The following ADCY9 variants were observed in gnomAD, a reference collection of about 807,000 sequenced individuals.
The protein encoded by ADCY9 is adenylate cyclase 9, also known as adenylate cyclase type 9.
Under a neutral mutation model 101.5 loss-of-function variants are expected in ADCY9, and 50 were observed. The ratio of observed to expected loss-of-function variants is 0.49; its 90% CI spans 0.39 to 0.62. The LOEUF is 0.62. Among genes scored for constraint, ADCY9 ranks in the 20% least tolerant of loss-of-function variants. The probability of loss-of-function intolerance (pLI) is 0.00; values close to 1 mark genes in which losing one functional copy is unlikely to be tolerated. For missense variants in ADCY9, 1,662 were observed against 1,800.4 expected, an observed-to-expected ratio of 0.92 and a Z score of 1.39; for synonymous variants, 905 against 769.3, an observed-to-expected ratio of 1.18 and a Z score of -2.92.
chr16:3,985,864 G>C (rs929033477), intron 6 of ADCY9, among the ~76,000 whole-genome samples: 1 of 152,106 alleles, frequency 6.6e-6, no homozygotes, highest in African/African-American at 2.4e-5. Context: ...CCTGATGCCA[G>C]AGGCTCCCAG....
At chr16:3,988,578 G>C (rs1286278171) in intron 6 of ADCY9, among the ~76,000 whole-genome samples, 3 of 142,146 alleles carry the variant, frequency 2.1e-5, no homozygotes, top group African/African-American at 8.1e-5. Context: ...GGGCAGGTGG[G>C]GGACCCCTTC....
chr16:3,997,699 G>A (rs12920521), intron 3 of ADCY9, among the ~76,000 whole-genome samples: 10 of 152,166 alleles, frequency 6.6e-5, no homozygotes, highest in Admixed American at 3.9e-4. Context: ...TATGGGAGGT[G>A]GGGGGAGAGC....
At chr16:3,958,693 A>ATTTTTTTTTTT (rs2055921600), downstream of ADCY9, among the ~76,000 whole-genome samples, 1 of 7,520 alleles carries the variant, frequency 1.3e-4, no homozygotes, top group African/African-American at 5.6e-4. Context: ...TTTTTTTTTG[A>ATTTTTTTTTTT]GAGAATCTTG....
intron 5 of ADCY9, among the ~76,000 whole-genome samples, chr16:3,956,621 G>A (rs572255145): frequency 8.5e-4 from 128 of 150,364 alleles, no homozygotes; most frequent in Non-Finnish European, 6.6e-4. Flanking sequence ...CTCCCAAGTA[G>A]CTGGGATTAC....
At chr16:4,042,122 AC>A (rs2141139710) in intron 2 of ADCY9, among the ~76,000 whole-genome samples, 1 of 151,840 alleles carries the variant, frequency 6.6e-6, no homozygotes, top group South Asian at 2.1e-4. Context: ...CGGGGGTTTC[AC>A]CATGTTGGCC....
chr16:4,078,001 A>G (rs541525725), intron 2 of ADCY9, among the ~76,000 whole-genome samples: 139 of 43,166 alleles, frequency 3.2e-3, no homozygotes, highest in African/African-American at 6.9e-3. Context: ...TCTGCTTCAG[A>G]AAAAAAAAAA....
In ADCY9 at chr16:3,965,808, T is replaced by C. The variant is rs1163539372; in HGVS notation, c.4029A>G (p.Glu1343=). Residue 1343 remains glutamate, a synonymous_variant, in exon 11 of 11, where the codon GAA becomes GAG. Transcript: ENST00000294016. ...CDETGIEEAN[E]LTKLNVSKSV is the part of the protein sequence containing the mutation. ...TCTTTGAAACGTTGAGCTTGGTGAG[T>C]TCGTTGGCTTCTTCTATTCCTGTTT... The C allele has an allele frequency of 6.2e-7, 1 of 1,613,608 alleles. No homozygotes were observed. The highest frequency in any genetic ancestry group is 1.3e-5 in the African/African-American group (1 of 74,800).
intron 2 of ADCY9, among the ~76,000 whole-genome samples, chr16:4,067,839 G>A (rs1273218798): frequency 6.6e-6 from 1 of 152,186 alleles, no homozygotes; most frequent in Non-Finnish European, 1.5e-5. Flanking sequence ...TATCTTAGTA[G>A]CTTCACTAAG....
intron 2 of ADCY9, among the ~76,000 whole-genome samples, chr16:4,106,406 C>T (rs991195343): frequency 6.6e-6 from 1 of 152,164 alleles, no homozygotes; most frequent in East Asian, 1.9e-4. Context: ...TTCTGTTCCG[C>T]GGCAGCACCG....
In ADCY9 at chr16:4,115,979, G is replaced by GC. The variant is rs1343500377; in HGVS notation, c.-334_-333insG. On this transcript the variant is annotated 5_prime_UTR_variant, in exon 1 of 11. Transcript: ENST00000294016. The surrounding 1 kb of genome is among the most constrained non-coding windows in gnomAD (Gnocchi z 6.2). ...GCGGCGCGCGGCCGGCCCCGGGCCC[G>GC]GACCCCGACCCGGAGCAGCGAGCTT... 3.4e-6 allele frequency: 1 copy of GC among 296,950 alleles called. No homozygotes were observed. The highest frequency in any genetic ancestry group is 6.2e-6 in the Non-Finnish European group (1 of 161,804). The allele number at this position is 296,950 out of a possible 1,614,324, so 18.4% of individuals were successfully genotyped here.
At chr16:4,089,173 C>CA (rs1194661551) in intron 2 of ADCY9, among the ~76,000 whole-genome samples, 1 of 152,060 alleles carries the variant, frequency 6.6e-6, no homozygotes, top group Non-Finnish European at 1.5e-5. Context: ...CTCCTGGGCT[C>CA]AGGTGATCCT....
chr16:4,114,574 C>G lies in ADCY9; in HGVS notation c.869G>C (p.Cys290Ser). ...ELLSRGLLHGCIHAIGVHLFV... is the reference protein window; with the variant it reads ...ELLSRGLLHGSIHAIGVHLFV... ...CAGGTGGACCCCGATGGCGTGGATG[C>G]AGCCGTGGAGCAGCCCCCTGCTCAG... The change falls in exon 2 of 11, where the codon TGC becomes TCC. Residue 290 changes from cysteine to serine, a missense_variant. This residue lies in a region of ADCY9 where 422 missense variants were observed against 392.0 expected (regional missense o/e 1.08). Transcript: ENST00000294016. This position sits in a 1 kb window ranked among gnomAD's most constrained non-coding sequence, Gnocchi z 4.3. 6.2e-7 allele frequency: 1 copy of G among 1,614,030 alleles called. No individual in the cohort carries two copies. Among genetic ancestry groups the G allele is most frequent in the Non-Finnish European group, 8.5e-7 (1 of 1,180,050 alleles).
At chr16:3,980,369 A>AC (rs1022632376) in intron 7 of ADCY9, among the ~76,000 whole-genome samples, 8 of 151,964 alleles carry the variant, frequency 5.3e-5, no homozygotes, top group African/African-American at 1.9e-4. Context: ...GAGTCCAAGG[A>AC]CCCCTGGGCC....
In ADCY9 at chr16:3,990,028, C is replaced by G. The variant is rs376599771; in HGVS notation, c.2208-932G>C. 1.6e-4 allele frequency among the ~76,000 whole-genome samples: 25 copies of G among 152,322 alleles called. No homozygotes were observed. The South Asian group carries it at 4.8e-3, about 29-fold the overall frequency. On this transcript the variant is annotated intron_variant, in intron 5 of 10. Coordinates refer to ENST00000294016, the MANE Select transcript of ADCY9 (RefSeq NM_001116.4). ...TCAACCCCGCTTTCCATGACTCTTT[C>G]ATTCATTTATGAATTGCCAGCAAAT...
chr16:4,109,692 C>G (rs1239001279), intron 2 of ADCY9, among the ~76,000 whole-genome samples: 2 of 152,196 alleles, frequency 1.3e-5, no homozygotes, highest in Admixed American at 1.3e-4. Context: ...AGCTGCTCTT[C>G]CTAATGCCAC....
chr16:4,107,131 G>T (rs1400490896), intron 2 of ADCY9, among the ~76,000 whole-genome samples: 1 of 152,222 alleles, frequency 6.6e-6, no homozygotes, highest in African/African-American at 2.4e-5. Context: ...CAGCTTGAGT[G>T]TCGACTCTAC....
chr16:4,079,857 GT>G (rs1190288698), intron 2 of ADCY9, among the ~76,000 whole-genome samples: 6 of 151,770 alleles, frequency 4.0e-5, no homozygotes, highest in Admixed American at 2.0e-4. Flanking sequence ...GTTGGTAAAT[GT>G]TTTTTTAATC....
At chr16:4,060,209 A>C (rs2056766422) in intron 2 of ADCY9, among the ~76,000 whole-genome samples, 1 of 152,242 alleles carries the variant, frequency 6.6e-6, no homozygotes, top group South Asian at 2.1e-4. Context: ...GGCAACCAAC[A>C]GATCAGGAGA....
intron 3 of ADCY9, among the ~76,000 whole-genome samples, chr16:3,999,088 A>G (rs2056312269): frequency 6.6e-6 from 1 of 152,120 alleles, no homozygotes; most frequent in African/African-American, 2.4e-5. Context: ...CTCCCCCTGC[A>G]CAGCTGCAGG....
Sources: gnomAD v4.1 joint callset for allele counts (sites outside exome capture counted in the v4.1 genomes callset) on GRCh38, gnomAD v4.1.1 for gene constraint, gnomAD v4.1.1 regional missense constraint, Gnocchi (gnomAD v3.1) non-coding constraint, MANE v1.5 for transcripts, NCBI Gene and HGNC (gene_info 2026-07-23, HGNC 2026-07-21) for gene names.